The following NDUFAF2 variants were observed in gnomAD, a reference collection of about 807,000 sequenced individuals.
NDUFAF2 encodes the protein NADH:ubiquinone oxidoreductase complex assembly factor 2.
NDUFAF2 carries 13 observed loss-of-function variants against 22.8 expected under a neutral mutation model. The observed-to-expected ratio is 0.57, with a 90% CI of 0.37 to 0.91. The LOEUF (loss-of-function observed/expected upper bound fraction) is 0.91. Ranked by LOEUF, NDUFAF2 falls within the 40% of genes least tolerant of loss-of-function variation. NDUFAF2 has a pLI of 0.01. For missense variants in NDUFAF2, 162 were observed against 195.2 expected, an observed-to-expected ratio of 0.83 and a Z score of 1.01; for synonymous variants, 53 against 64.2, an observed-to-expected ratio of 0.83 and a Z score of 0.84.
intron 3 of NDUFAF2, among the ~76,000 whole-genome samples, chr5:61,129,036 C>T (rs547897607): frequency 1.5e-3 from 233 of 152,296 alleles, no homozygotes; most frequent in African/African-American, 5.2e-3. Context: ...CCAACAGACA[C>T]ATGAAAAAGT....
intron 1 of NDUFAF2, among the ~76,000 whole-genome samples, chr5:61,003,982 T>C (rs1386117754): frequency 1.3e-5 from 2 of 151,456 alleles, no homozygotes; most frequent in Middle Eastern, 3.4e-3. Flanking sequence ...ATCTGTACTT[T>C]TAGTAAACAT....
intron 3 of NDUFAF2, among the ~76,000 whole-genome samples, chr5:61,124,884 C>T (rs576620064): frequency 1.3e-5 from 2 of 152,070 alleles, no homozygotes; most frequent in African/African-American, 4.8e-5. Flanking sequence ...GCACAGTTCC[C>T]CATAGCTGGG....
intron 1 of NDUFAF2, among the ~76,000 whole-genome samples, chr5:61,020,727 G>C (rs1186664669): frequency 6.6e-6 from 1 of 152,024 alleles, no homozygotes; most frequent in Non-Finnish European, 1.5e-5. Flanking sequence ...TCTCAACTCT[G>C]TCGCCCAAGC....
chr5:61,129,372 A>G (rs1753078845), intron 3 of NDUFAF2, among the ~76,000 whole-genome samples: 1 of 152,090 alleles, frequency 6.6e-6, no homozygotes, highest in South Asian at 2.1e-4. Flanking sequence ...ATTCACAATA[A>G]CAAAGACTTG....
chr5:61,021,258 A>T (rs1245164099), intron 1 of NDUFAF2, among the ~76,000 whole-genome samples: 1 of 152,058 alleles, frequency 6.6e-6, no homozygotes, highest in Non-Finnish European at 1.5e-5. Context: ...CTTCTTGAGG[A>T]TCTAGAGGAT....
chr5:60,957,921 G>A (rs1190666394), intron 1 of NDUFAF2, among the ~76,000 whole-genome samples: 2 of 152,148 alleles, frequency 1.3e-5, no homozygotes, highest in Non-Finnish European at 2.9e-5. Context: ...ACCTGTATTA[G>A]TGATAACCAG....
At chr5:61,140,717 A>G (rs984261065) in intron 3 of NDUFAF2, among the ~76,000 whole-genome samples, 23 of 152,154 alleles carry the variant, frequency 1.5e-4, no homozygotes, top group African/African-American at 5.1e-4. Flanking sequence ...ATATCCTAAC[A>G]CTGCATTACA....
At chr5:61,009,884 A>G (rs1481108242) in intron 1 of NDUFAF2, among the ~76,000 whole-genome samples, 1 of 152,106 alleles carries the variant, frequency 6.6e-6, no homozygotes, top group Non-Finnish European at 1.5e-5. Flanking sequence ...AAAACAAAGC[A>G]AAGCAAAACA....
intron 1 of NDUFAF2, among the ~76,000 whole-genome samples, chr5:61,040,251 GACACACACACAC>G (rs55910021): frequency 8.7e-4 from 115 of 131,980 alleles, no homozygotes; most frequent in African/African-American, 2.7e-3. Flanking sequence ...AAGAGGAAAG[GACACACACACAC>G]ACACACACAC....
chr5:61,140,421 C>G (rs1261415050), intron 3 of NDUFAF2, among the ~76,000 whole-genome samples: 1 of 152,128 alleles, frequency 6.6e-6, no homozygotes, highest in East Asian at 1.9e-4. Flanking sequence ...TCTATAGTTG[C>G]CAGAGTCATC....
intron 3 of NDUFAF2, among the ~76,000 whole-genome samples, chr5:61,112,197 A>G (rs1752850780): frequency 6.7e-6 from 1 of 149,390 alleles, no homozygotes; most frequent in South Asian, 2.1e-4. Flanking sequence ...TCATTATATA[A>G]TGACCTTCTT....
chr5:61,060,553 T>A (rs1752151064), intron 1 of NDUFAF2, among the ~76,000 whole-genome samples: 1 of 152,170 alleles, frequency 6.6e-6, no homozygotes, highest in Admixed American at 6.5e-5. Context: ...AGTCAGACTA[T>A]AAGGATCTTA....
At chr5:60,997,331 A>G (rs138720564) in intron 1 of NDUFAF2, among the ~76,000 whole-genome samples, 126 of 152,346 alleles carry the variant, frequency 8.3e-4, no homozygotes, top group Non-Finnish European at 1.5e-3. Flanking sequence ...TTACAACTGT[A>G]TATGACTTCA....
At chr5:60,998,610 G>A (rs79085956) in intron 1 of NDUFAF2, among the ~76,000 whole-genome samples, 2,011 of 152,008 alleles carry the variant, frequency 0.013, 48 homozygotes, top group African/African-American at 0.046. Context: ...GATGGGGTTC[G>A]AGTCATGTGC....
intron 1 of NDUFAF2, among the ~76,000 whole-genome samples, chr5:61,014,563 G>A (rs1751483008): frequency 6.6e-6 from 1 of 152,178 alleles, no homozygotes; most frequent in Admixed American, 6.5e-5. Flanking sequence ...AGGAAGTACA[G>A]ATGGCAACCT....
intron 1 of NDUFAF2, among the ~76,000 whole-genome samples, chr5:61,013,702 C>T (rs1474581921): frequency 1.4e-5 from 2 of 145,334 alleles, no homozygotes; most frequent in Non-Finnish European, 1.5e-5. Flanking sequence ...ACTTTATCTC[C>T]TTTTTTTTTT....
intron 1 of NDUFAF2, 175 bp downstream of exon 1, chr5:60,945,557 C>G (rs934048008): frequency 2.0e-6 from 2 of 987,114 alleles, no homozygotes; most frequent in Non-Finnish European, 3.0e-6. Flanking sequence ...CATCGGAGCC[C>G]TACCCGGCCC....
intron 1 of NDUFAF2, among the ~76,000 whole-genome samples, chr5:61,010,583 A>G (rs960718084): frequency 6.6e-6 from 1 of 151,866 alleles, no homozygotes; most frequent in South Asian, 2.1e-4. Flanking sequence ...CCTGTGCTAT[A>G]TGTTCTCATA....
intron 2 of NDUFAF2, among the ~76,000 whole-genome samples, chr5:61,091,794 T>C (rs2111756474): frequency 6.6e-6 from 1 of 152,332 alleles, no homozygotes; most frequent in South Asian, 2.1e-4. Context: ...TCAGTGGTAT[T>C]GCCTAAGTTG....
Sources: allele counts gnomAD v4.1 joint callset (sites outside exome capture counted in the v4.1 genomes callset), GRCh38; gene constraint gnomAD v4.1.1; transcripts MANE v1.5; gene names NCBI Gene and HGNC (gene_info 2026-07-23, HGNC 2026-07-21).